BCKDHB: variants seen among roughly 807,000 people sequenced by gnomAD.
The protein encoded by BCKDHB is branched chain keto acid dehydrogenase E1 subunit beta.
BCKDHB carries 41 observed loss-of-function variants against 48.5 expected under a neutral mutation model. The ratio of observed to expected loss-of-function variants is 0.85; its 90% confidence interval spans 0.66 to 1.10. BCKDHB has a LOEUF of 1.10. BCKDHB is among the 50% of genes least tolerant of loss of function. BCKDHB has a pLI of 0.00. For missense variants in BCKDHB, 496 were observed against 494.2 expected (o/e 1.00, Z -0.03); for synonymous variants, 201 against 174.8 (o/e 1.15, Z -1.18).
the BCKDHB span, among the ~76,000 whole-genome samples, chr6:80,424,955 T>A: frequency 6.6e-6 from 1 of 152,310 alleles, no homozygotes; most frequent in East Asian, 1.9e-4. Context: ...AGCTGCTTGG[T>A]GTGGATGTAC....
At chr6:80,306,285 C>T (rs1197069945) in intron 9 of BCKDHB, among the ~76,000 whole-genome samples, 1 of 152,106 alleles carries the variant, frequency 6.6e-6, no homozygotes, top group African/African-American at 2.4e-5. Context: ...ATTTATTTAA[C>T]ATGTGAATAG....
chr6:80,439,292 A>G, the BCKDHB span, among the ~76,000 whole-genome samples: 1 of 152,158 alleles, frequency 6.6e-6, no homozygotes, highest in Non-Finnish European at 1.5e-5. Context: ...ACTGCCCCCA[A>G]TGTCATAGTA....
At chr6:80,338,497 C>A (rs570083788) in intron 9 of BCKDHB, among the ~76,000 whole-genome samples, 2 of 152,294 alleles carry the variant, frequency 1.3e-5, no homozygotes, top group East Asian at 1.9e-4. Context: ...GGCTTTCTGG[C>A]AGTGCTCTCC....
the BCKDHB span, among the ~76,000 whole-genome samples, chr6:80,430,093 A>G: frequency 2.0e-5 from 3 of 152,178 alleles, no homozygotes; most frequent in Non-Finnish European, 4.4e-5. Context: ...GAATTTTGTC[A>G]AAGGCCTTTT....
chr6:80,406,067 C>T, the BCKDHB span, among the ~76,000 whole-genome samples: 1 of 151,868 alleles, frequency 6.6e-6, no homozygotes, highest in African/African-American at 2.4e-5. Context: ...TGAATGAGAA[C>T]GTGCAGTGTT....
At chr6:80,158,020 A>G (rs1253362527) in intron 3 of BCKDHB, among the ~76,000 whole-genome samples, 2 of 152,138 alleles carry the variant, frequency 1.3e-5, no homozygotes, top group East Asian at 3.9e-4. Flanking sequence ...TTCAAACGAT[A>G]TTACTGAAAG....
intron 8 of BCKDHB, among the ~76,000 whole-genome samples, chr6:80,221,369 C>T (rs1775445105): frequency 6.6e-6 from 1 of 152,110 alleles, no homozygotes; most frequent in South Asian, 2.1e-4. Flanking sequence ...GTATTCATGT[C>T]CTGTCTTGAG....
chr6:80,131,803 C>T (rs1770643186), intron 3 of BCKDHB, among the ~76,000 whole-genome samples: 1 of 151,896 alleles, frequency 6.6e-6, no homozygotes, highest in African/African-American at 2.4e-5. Flanking sequence ...CCACCATGCC[C>T]TGCTAATTTT....
the BCKDHB span, among the ~76,000 whole-genome samples, chr6:80,372,215 ATTTT>A: frequency 4.0e-5 from 6 of 151,082 alleles, no homozygotes; most frequent in Non-Finnish European, 8.9e-5. Flanking sequence ...ATTCCTAAGT[ATTTT>A]TTAGCTATTG....
At chr6:80,451,360 C>A in the BCKDHB span, among the ~76,000 whole-genome samples, 38 of 152,144 alleles carry the variant, frequency 2.5e-4, no homozygotes, top group Admixed American at 1.4e-3. Flanking sequence ...CCAAGCCAAG[C>A]ATTCACCATT....
At chr6:80,422,124 G>T in the BCKDHB span, among the ~76,000 whole-genome samples, 5 of 152,170 alleles carry the variant, frequency 3.3e-5, no homozygotes, top group African/African-American at 9.6e-5. Flanking sequence ...CCACTGCTCT[G>T]TTCAGCCTGT....
At chr6:80,115,264 C>T (rs972894618) in intron 1 of BCKDHB, among the ~76,000 whole-genome samples, 12 of 152,152 alleles carry the variant, frequency 7.9e-5, no homozygotes, top group African/African-American at 2.9e-4. Flanking sequence ...CCTCCTGCCT[C>T]AGCCTCTTGA....
At chr6:80,195,591 T>C (rs1315312154) in intron 6 of BCKDHB, among the ~76,000 whole-genome samples, 1 of 152,220 alleles carries the variant, frequency 6.6e-6, no homozygotes, top group African/African-American at 2.4e-5. Flanking sequence ...GACTCTGTCA[T>C]TGAATTACTT....
intron 9 of BCKDHB, among the ~76,000 whole-genome samples, chr6:80,289,700 A>G (rs1394873594): frequency 6.6e-6 from 1 of 152,148 alleles, no homozygotes; most frequent in Non-Finnish European, 1.5e-5. Flanking sequence ...CCTAGATCCT[A>G]GTTACAGAAC....
chr6:80,175,978 A>G (rs1773133148), intron 6 of BCKDHB, among the ~76,000 whole-genome samples: 1 of 152,212 alleles, frequency 6.6e-6, no homozygotes, highest in South Asian at 2.1e-4. Context: ...GCTACAGTGG[A>G]TTGGAACTTA....
chr6:80,400,742 C>A, the BCKDHB span, among the ~76,000 whole-genome samples: 84 of 152,052 alleles, frequency 5.5e-4, no homozygotes, highest in Non-Finnish European at 1.6e-4. Context: ...ATAAATTTTT[C>A]TACCGTAAAG....
At chr6:80,119,269 A>G (rs1468455360) in intron 1 of BCKDHB, among the ~76,000 whole-genome samples, 1 of 152,184 alleles carries the variant, frequency 6.6e-6, no homozygotes, top group Non-Finnish European at 1.5e-5. Flanking sequence ...AAATGAAGTC[A>G]TCCATGAGGG....
intron 8 of BCKDHB, among the ~76,000 whole-genome samples, chr6:80,270,030 T>C (rs1334044806): frequency 6.6e-6 from 1 of 152,124 alleles, no homozygotes. Context: ...TAACATTCTC[T>C]TGTTTTGTAG....
rs1582214746 is a variant in BCKDHB, at chr6:80,138,917, C to T, written c.343+9688C>T. 2.0e-5 allele frequency among the ~76,000 whole-genome samples: 3 copies of T among 152,324 alleles called. No homozygotes were observed. The South Asian group carries it at 6.2e-4, about 32-fold the overall frequency. On this transcript the variant is annotated intron_variant, in intron 3 of 9. Transcript: ENST00000320393. ...TGGTTGAACTAGTTTATAGTCCCAG[C>T]AACAGTGTAAAAGTGTTCCTATTTC...
Sources: allele counts gnomAD v4.1 joint callset (sites outside exome capture counted in the v4.1 genomes callset), GRCh38; gene constraint gnomAD v4.1.1; transcripts MANE v1.5; gene names NCBI Gene and HGNC (gene_info 2026-07-23, HGNC 2026-07-21).